The following COMMD8 variants were observed in gnomAD, a reference collection of about 807,000 sequenced individuals.
The protein encoded by COMMD8 is COMM domain containing 8.
Under a neutral mutation model 27.2 loss-of-function variants are expected in COMMD8, and 28 were observed. That is an observed-to-expected ratio of 1.03 (90% CI 0.76 to 1.41). The LOEUF is 1.41. Among genes scored for constraint, COMMD8 ranks in the 40% most tolerant of loss-of-function variants. COMMD8 has a pLI of 0.00. For synonymous variants in COMMD8, 79 were observed against 75.5 expected (o/e 1.05, Z -0.24); for missense variants, 217 against 211.2 (o/e 1.03, Z -0.17).
At chr4:47,451,833 ATC>A (rs1328429749) in intron 4 of COMMD8, among the ~76,000 whole-genome samples, 168 bp from the exon 5 acceptor site, 2 of 152,228 alleles carry the variant, frequency 1.3e-5, no homozygotes, top group Admixed American at 6.5e-5. Context: ...ACGGTTCAGA[ATC>A]TGTTACCATT....
intron 1 of COMMD8, among the ~76,000 whole-genome samples, chr4:47,462,820 T>G (rs536149643): frequency 1.1e-4 from 16 of 151,266 alleles, no homozygotes; most frequent in South Asian, 2.1e-4. Flanking sequence ...GAATTAGGTG[T>G]TTTTTTTTCT....
intron 1 of COMMD8, 75 bp from the exon 2 acceptor site, chr4:47,460,374 A>C: frequency 7.9e-7 from 1 of 1,265,380 alleles, no homozygotes; most frequent in Non-Finnish European, 1.1e-6. Context: ...TTAACAAACA[A>C]ATGTTGGGAG....
rs908421081 is a variant in COMMD8, at chr4:47,451,339, T to C, written c.*306A>G. The C allele has an allele frequency of 9.3e-6, 3 of 322,670 alleles. No homozygotes were observed. Among genetic ancestry groups the C allele is most frequent in the Admixed American group, 1.0e-4 (2 of 19,814 alleles). The allele number at this position is 322,670 out of a possible 1,614,324, so 20.0% of individuals were successfully genotyped here. On this transcript the variant is annotated 3_prime_UTR_variant, in exon 5 of 5. Transcript: ENST00000381571. Reference sequence around the variant, plus strand: ...TTTACATTACTTTAGAACCTATTTTTAGCTTTCAATAAAACTATGTATCTC... The same window carrying C: ...TTTACATTACTTTAGAACCTATTTTCAGCTTTCAATAAAACTATGTATCTC...
rs375096322 is a variant in COMMD8, at chr4:47,453,066, G to A, written c.524C>T (p.Ala175Val). ...LQNLIQSLEA[A>V]NKVVLQLK ...CAAAATTATAGCAAATACCTTATTCGCTGCTTCCAAGGACTGTATTAGATT... is the reference window on the plus strand; with the variant it reads ...CAAAATTATAGCAAATACCTTATTCACTGCTTCCAAGGACTGTATTAGATT... Residue 175 changes from alanine to valine, a missense_variant, in exon 4 of 5, where the codon GCG (alanine) becomes GTG (valine). Coordinates refer to ENST00000381571, the MANE Select transcript of COMMD8 (RefSeq NM_017845.5). 78 of 1,597,940 alleles carry A rather than the reference G, an allele frequency of 4.9e-5. No homozygotes were observed. The Middle Eastern group carries it at 5.0e-4, about 10-fold the overall frequency.
At chr4:47,452,789 A>G (rs528820090) in intron 4 of COMMD8, among the ~76,000 whole-genome samples, 16 of 152,304 alleles carry the variant, frequency 1.1e-4, no homozygotes, top group Non-Finnish European at 1.5e-4. Flanking sequence ...TGAGGTCAAG[A>G]GTTTGAGACC....
chr4:47,462,933 A>C (rs1464946474), intron 1 of COMMD8, among the ~76,000 whole-genome samples: 1 of 152,210 alleles, frequency 6.6e-6, no homozygotes, highest in African/African-American at 2.4e-5. Flanking sequence ...GACTTATAAA[A>C]AAGATGCTCC....
chr4:47,453,636 C>CAACT, intron 3 of COMMD8, among the ~76,000 whole-genome samples: 1 of 150,178 alleles, frequency 6.7e-6, no homozygotes, highest in African/African-American at 2.5e-5. Flanking sequence ...AATTCATGGT[C>CAACT]AGCTATCTAT....
At chr4:47,458,642 G>T (rs2109356799) in intron 2 of COMMD8, among the ~76,000 whole-genome samples, 1 of 152,140 alleles carries the variant, frequency 6.6e-6, no homozygotes, top group East Asian at 1.9e-4. Context: ...CAAAATTCCA[G>T]CAGGTTTGTA....
chr4:47,456,664 A>G lies in COMMD8; in HGVS notation c.288T>C (p.Ser96=), dbSNP rs756818264. ...GAGCCTGTTTGATTTCATCTTTCCT[A>G]CTTTTCACGCATTTCATGATAGTTT... ...HQETIMKCVK[S]RKDEIKQALS... The change falls in exon 3 of 5, where the codon AGT becomes AGC. Residue 96 remains serine (S), a synonymous_variant. Coordinates refer to ENST00000381571, the MANE Select transcript of COMMD8 (RefSeq NM_017845.5). 6.2e-7 allele frequency: 1 copy of G among 1,609,382 alleles called. No individual in the cohort carries two copies. The highest frequency in any genetic ancestry group is 8.5e-7 in the Non-Finnish European group (1 of 1,177,934).
At chr4:47,460,118 G>A in intron 2 of COMMD8, 26 bp downstream of exon 2, 1 of 1,597,650 alleles carries the variant, frequency 6.3e-7, no homozygotes. Flanking sequence ...TTTATTGTAA[G>A]TTATAGAAAT....
chr4:47,456,778 AAC>A, intron 2 of COMMD8, 49 bp from the exon 3 acceptor site: 1 of 1,419,750 alleles, frequency 7.0e-7, no homozygotes, highest in African/African-American at 1.5e-5. Flanking sequence ...AAAATGTAAA[AAC>A]ACAATTCCAC....
chr4:47,451,436 T>C lies in COMMD8; in HGVS notation c.*209A>G. On this transcript the variant is annotated 3_prime_UTR_variant, in exon 5 of 5. Transcript: ENST00000381571. ...AATATAAACTGCTACTATAGATTTT[T>C]CATCTTTCATTTTATGCATTTCCTC... The C allele has an allele frequency of 2.1e-6, 1 of 475,554 alleles. No individual in the cohort carries two copies. The highest frequency in any genetic ancestry group is 3.7e-6 in the Non-Finnish European group (1 of 271,790). The allele number at this position is 475,554 out of a possible 1,614,324, so 29.5% of individuals were successfully genotyped here.
At chr4:47,461,401 G>T (rs536353021) in intron 1 of COMMD8, among the ~76,000 whole-genome samples, 194 of 152,088 alleles carry the variant, frequency 1.3e-3, no homozygotes, top group African/African-American at 4.4e-3. Flanking sequence ...ACAAGCAACT[G>T]CTTCCAAATG....
At chr4:47,460,020 T>C (rs1326731735) in intron 2 of COMMD8, 124 bp downstream of exon 2, 8 of 711,366 alleles carry the variant, frequency 1.1e-5, no homozygotes, top group South Asian at 3.1e-5. Flanking sequence ...GATTTTTCCA[T>C]TCACAATTAT....
intron 3 of COMMD8, among the ~76,000 whole-genome samples, chr4:47,456,267 CATATATATATATATATATATAT>C (rs34279197): frequency 1.4e-4 from 17 of 119,010 alleles, no homozygotes; most frequent in East Asian, 8.6e-4. Context: ...ATAAATTATA[CATATATATATATATATATATAT>C]ATATATATAT....
intron 2 of COMMD8, among the ~76,000 whole-genome samples, chr4:47,458,272 G>A (rs1467726635): frequency 6.6e-6 from 1 of 151,914 alleles, no homozygotes; most frequent in Non-Finnish European, 1.5e-5. Context: ...TAGCCAATGC[G>A]CTAAGGTAAG....
At chr4:47,462,045 G>A (rs139303210) in intron 1 of COMMD8, among the ~76,000 whole-genome samples, 1 of 152,162 alleles carries the variant, frequency 6.6e-6, no homozygotes, top group African/African-American at 2.4e-5. Flanking sequence ...GGGTGCCTAG[G>A]GGGTGACAGG....
In COMMD8 at chr4:47,451,482, T is replaced by C; in HGVS notation, c.*163A>G. ...TCCTCTCAACCATGTAATTTCCTGT[T>C]AAGGAATGTTGATAAATTTTTATCT... On this transcript the variant is annotated 3_prime_UTR_variant, in exon 5 of 5. Transcript: ENST00000381571. The C allele has an allele frequency of 3.4e-6, 2 of 590,848 alleles. No homozygotes were observed. The highest frequency in any genetic ancestry group is 3.6e-5 in the Admixed American group (1 of 27,506). 36.6% of individuals were successfully genotyped at this position (590,848 alleles called of 1,614,324 possible). A position where few individuals can be genotyped will look rare whatever the true frequency, so the allele number is the denominator to read the frequency against.
In COMMD8 at chr4:47,463,177, G is replaced by GC. The variant is rs1042400696; in HGVS notation, c.66+408_66+409insG. Among the ~76,000 whole-genome samples the GC allele has an allele frequency of 7.2e-5, 11 of 151,962 alleles. No individual in the cohort carries two copies. The East Asian group carries it at 1.4e-3, about 19-fold the overall frequency. ...TCTCTTCCTACCAACCACCCTCAAGGGGGGAGGCAGGGTCCGCTTCGGTCT... is the reference window on the plus strand; with the variant it reads ...TCTCTTCCTACCAACCACCCTCAAGGCGGGGAGGCAGGGTCCGCTTCGGTCT... On this transcript the variant is annotated intron_variant, in intron 1 of 4. Transcript: ENST00000381571.
Sources: allele counts gnomAD v4.1 joint callset (sites outside exome capture counted in the v4.1 genomes callset), GRCh38; gene constraint gnomAD v4.1.1; transcripts MANE v1.5; gene names NCBI Gene and HGNC (gene_info 2026-07-23, HGNC 2026-07-21).